JAKMIP2: variants seen among roughly 807,000 people sequenced by gnomAD.
JAKMIP2 encodes janus kinase and microtubule-interacting protein 2.
Under a neutral mutation model 115.0 loss-of-function variants are expected in JAKMIP2, and 25 were observed. That is an observed-to-expected ratio of 0.22 (90% confidence interval 0.16 to 0.30). The LOEUF (loss-of-function observed/expected upper bound fraction) is 0.30, where lower values mean the gene tolerates loss of function less well. Among genes scored for constraint, JAKMIP2 ranks in the 10% least tolerant of loss-of-function variants. JAKMIP2 has a pLI of 1.00. For synonymous variants in JAKMIP2, 334 were observed against 343.6 expected, an observed-to-expected ratio of 0.97 and a Z score of 0.31; for missense variants, 642 against 957.6, an observed-to-expected ratio of 0.67 and a Z score of 4.35.
intron 19 of JAKMIP2, among the ~76,000 whole-genome samples, chr5:147,613,949 G>A (rs984563332): frequency 6.6e-6 from 1 of 152,196 alleles, no homozygotes; most frequent in Non-Finnish European, 1.5e-5. Context: ...TGATTTGTGT[G>A]CTGGTGTATA....
chr5:147,682,602 A>G (rs1056321011), intron 1 of JAKMIP2, among the ~76,000 whole-genome samples: 1 of 152,218 alleles, frequency 6.6e-6, no homozygotes, highest in Admixed American at 6.5e-5. Flanking sequence ...ACCTGTCAAC[A>G]ATGACTACCA....
At position 147,661,574 on chromosome 5, in the gene JAKMIP2, C is replaced by A. The variant is rs1402288744; in HGVS notation, c.130-129G>T. ...CATCTCTTTTCCAATTCCAGGCCCT[C>A]TGAGAAAAAAGAACTACAGGCCTTG... On this transcript the variant is annotated intron_variant, in intron 2 of 21. Coordinates refer to ENST00000616793, the MANE Select transcript of JAKMIP2 (RefSeq NM_001270941.2). 8.2e-6 allele frequency: 8 copies of A among 975,658 alleles called. No homozygotes were observed. In the East Asian group the frequency reaches 2.0e-4, roughly 24 times the overall value. 60.4% of individuals were successfully genotyped at this position (975,658 alleles called of 1,614,324 possible). A position where few individuals can be genotyped will look rare whatever the true frequency, so the allele number is the denominator to read the frequency against.
chr5:147,601,842 A>G (rs1755715771), intron 20 of JAKMIP2, 31 bp from the exon 21 acceptor site: 4 of 1,069,778 alleles, frequency 3.7e-6, no homozygotes, highest in Non-Finnish European at 5.5e-6. Flanking sequence ...GATTATGTAA[A>G]TCTGAATTTC....
At chr5:147,716,173 C>A (rs1752982864) in intron 1 of JAKMIP2, among the ~76,000 whole-genome samples, 2 of 140,654 alleles carry the variant, frequency 1.4e-5, no homozygotes, top group Admixed American at 1.4e-4. Flanking sequence ...AGGACATGAA[C>A]TCATCATTTT....
At chr5:147,597,540 C>CTGTT (rs1755458998) in intron 21 of JAKMIP2, among the ~76,000 whole-genome samples, 1 of 152,116 alleles carries the variant, frequency 6.6e-6, no homozygotes, top group Non-Finnish European at 1.5e-5. Context: ...TCATGATCAC[C>CTGTT]TGTTCTGTGG....
intron 12 of JAKMIP2, among the ~76,000 whole-genome samples, chr5:147,634,222 G>A (rs1030966858): frequency 1.3e-5 from 2 of 151,976 alleles, no homozygotes; most frequent in African/African-American, 4.8e-5. Flanking sequence ...CCTTTATTTT[G>A]TTTATTTATT....
intron 1 of JAKMIP2, among the ~76,000 whole-genome samples, chr5:147,758,942 C>T (rs1019284214): frequency 1.3e-5 from 2 of 152,136 alleles, no homozygotes; most frequent in South Asian, 4.1e-4. Context: ...GGACATTAGT[C>T]CCTCTATTAC....
intron 14 of JAKMIP2, 26 bp downstream of exon 14, chr5:147,631,387 A>G (rs747797623): frequency 6.2e-6 from 9 of 1,452,138 alleles, no homozygotes; most frequent in Admixed American, 6.0e-5. Flanking sequence ...ATTTCTACAA[A>G]CATAAAAAAT....
At chr5:147,729,126 A>T (rs74323678) in intron 1 of JAKMIP2, among the ~76,000 whole-genome samples, 10,481 of 152,240 alleles carry the variant, frequency 0.069, 485 homozygotes, top group Middle Eastern at 0.18. Context: ...GAAAGAGGGA[A>T]GGGAGGGAGG....
chr5:147,646,410 C>T (rs1202137839), intron 5 of JAKMIP2, among the ~76,000 whole-genome samples: 1 of 152,072 alleles, frequency 6.6e-6, no homozygotes, highest in African/African-American at 2.4e-5. Flanking sequence ...TCTGTCTCTT[C>T]TGAAGGTCAA....
At chr5:147,751,599 C>G (rs1386550489) in intron 1 of JAKMIP2, among the ~76,000 whole-genome samples, 1 of 148,246 alleles carries the variant, frequency 6.7e-6, no homozygotes, top group Non-Finnish European at 1.5e-5. Flanking sequence ...AGACATTAAG[C>G]AAGGGCACAG....
chr5:147,621,941 C>T (rs988404498), intron 17 of JAKMIP2, among the ~76,000 whole-genome samples: 1 of 152,126 alleles, frequency 6.6e-6, no homozygotes, highest in South Asian at 2.1e-4. Context: ...GATCTCGGCT[C>T]ACTGCAAACT....
At chr5:147,666,538 C>T (rs1759306477) in intron 2 of JAKMIP2, among the ~76,000 whole-genome samples, 1 of 152,160 alleles carries the variant, frequency 6.6e-6, no homozygotes, top group African/African-American at 2.4e-5. Flanking sequence ...TCCATTTAAC[C>T]TCCCGGGCGG....
chr5:147,687,960 G>A (rs1760651809), intron 1 of JAKMIP2, among the ~76,000 whole-genome samples: 1 of 152,172 alleles, frequency 6.6e-6, no homozygotes, highest in Non-Finnish European at 1.5e-5. Context: ...CTCAGTTAAT[G>A]TTTTTTGAGA....
At chr5:147,594,024 C>A (rs771116090) in intron 21 of JAKMIP2, among the ~76,000 whole-genome samples, 5 of 152,190 alleles carry the variant, frequency 3.3e-5, no homozygotes, top group African/African-American at 7.2e-5. Flanking sequence ...TTCCACCTAT[C>A]ACAACCGAGG....
rs12657989 is a variant in JAKMIP2 at position 147,607,529 on chromosome 5, C to A, written c.2412+4777G>T. On this transcript the variant is annotated intron_variant, in intron 20 of 21. Coordinates refer to ENST00000616793, the MANE Select transcript of JAKMIP2 (RefSeq NM_001270941.2). ...TTGCATCCCAGGGATGAAGCCAATG[C>A]GATCGTGGTGGATAAGGTTTTTAAT... 6.5e-3 allele frequency among the ~76,000 whole-genome samples: 982 copies of A among 152,172 alleles called. 53 individuals are homozygous for A. The East Asian group carries it at 0.13, about 20-fold the overall frequency.
At chr5:147,696,795 C>G (rs183520497) in intron 1 of JAKMIP2, among the ~76,000 whole-genome samples, 289 of 152,186 alleles carry the variant, frequency 1.9e-3, no homozygotes, top group Middle Eastern at 0.01. Flanking sequence ...GAGGTGGTCT[C>G]AGATGGAGAT....
intron 1 of JAKMIP2, among the ~76,000 whole-genome samples, chr5:147,741,832 C>A (rs1164687681): frequency 6.6e-6 from 1 of 151,940 alleles, no homozygotes; most frequent in Non-Finnish European, 1.5e-5. Context: ...CAAGCATCAG[C>A]AAAACTGCTG....
chr5:147,644,837 C>T lies in JAKMIP2; in HGVS notation c.1083+13G>A. 1 of 1,611,148 alleles carries T rather than the reference C, an allele frequency of 6.2e-7. No individual in the cohort carries two copies. The highest frequency in any genetic ancestry group is 1.1e-5 in the South Asian group (1 of 90,570). On this transcript the variant is annotated intron_variant, in intron 6 of 21. Coordinates refer to ENST00000616793, the MANE Select transcript of JAKMIP2 (RefSeq NM_001270941.2). ...CAAGGAAGCTGCAGTTTTGCAGAGT[C>T]TGTGATACACACCATTTCTGAATTT... is the stretch of plus-strand genomic sequence containing the variant.
Sources: gnomAD v4.1 joint callset for allele counts (sites outside exome capture counted in the v4.1 genomes callset) on GRCh38, gnomAD v4.1.1 for gene constraint, MANE v1.5 for transcripts, NCBI Gene and HGNC (gene_info 2026-07-23, HGNC 2026-07-21) for gene names.